PLXND1: variants seen among roughly 807,000 people sequenced by gnomAD.
PLXND1 encodes plexin D1.
PLXND1 carries 54 observed loss-of-function variants against 197.7 expected under a neutral mutation model. That is an observed-to-expected ratio of 0.27 (90% CI 0.22 to 0.34). The LOEUF (loss-of-function observed/expected upper bound fraction) is 0.34, where lower values mean the gene tolerates loss of function less well. PLXND1 is among the 10% of genes least tolerant of loss of function. The probability of loss-of-function intolerance (pLI) is 1.00; values close to 1 mark genes in which losing one functional copy is unlikely to be tolerated. For synonymous variants in PLXND1, 1,180 were observed against 1,161.2 expected, an observed-to-expected ratio of 1.02 and a Z score of -0.33; for missense variants, 2,127 against 2,699.2, an observed-to-expected ratio of 0.79 and a Z score of 4.70.
chr3:129,597,190 A>G (rs2085637989), intron 1 of PLXND1, among the ~76,000 whole-genome samples: 1 of 152,210 alleles, frequency 6.6e-6, no homozygotes, highest in Non-Finnish European at 1.5e-5. Flanking sequence ...GAATGGCTAG[A>G]TCCAAGCCTC....
chr3:129,588,095 C>T (rs1208712529), intron 2 of PLXND1, among the ~76,000 whole-genome samples: 1 of 152,236 alleles, frequency 6.6e-6, no homozygotes, highest in Non-Finnish European at 1.5e-5. Context: ...CCGAGCAGGG[C>T]AGGGTTGGCT....
In PLXND1 at chr3:129,572,501, T is replaced by C. The variant is rs949223295; in HGVS notation, c.3077+108A>G. On this transcript the variant is annotated intron_variant, in intron 15 of 35. Coordinates refer to ENST00000324093, the MANE Select transcript of PLXND1 (RefSeq NM_015103.3). ...GGCTTGGCTTAGGGGACACAGCCAA[T>C]GAAGACCCAAGAGAGGCTTGGCTCA... The C allele has an allele frequency of 5.1e-6, 5 of 982,328 alleles. No homozygotes were observed. The Admixed American group carries it at 1.7e-4, about 33-fold the overall frequency. 60.9% of individuals were successfully genotyped at this position (982,328 alleles called of 1,614,324 possible).
rs2084984488 is a variant in PLXND1 at position 129,557,028 on chromosome 3, A to AC, written c.5586+54dup. On this transcript the variant is annotated intron_variant, in intron 34 of 35. Transcript: ENST00000324093. This position sits in a 1 kb window ranked among gnomAD's most constrained non-coding sequence, Gnocchi z 4.8. ...TGGAGGCATTGAGGCCCAGCCCCCG[A>AC]CCCCCGATCCCTCAGCTCTTCAGGC... 1.3e-6 allele frequency: 2 copies of AC among 1,581,566 alleles called. No homozygotes were observed. Among genetic ancestry groups the AC allele is most frequent in the Non-Finnish European group, 1.7e-6 (2 of 1,160,328 alleles).
chr3:129,605,660 G>T lies in PLXND1; in HGVS notation c.980C>A (p.Ala327Asp), dbSNP rs1240034410. Reference protein sequence around the residue: ...LLARICLPHGAGGDAKKLTES... With the variant: ...LLARICLPHGDGGDAKKLTES... ...GGTGAGCTTCTTGGCGTCGCCGCCG[G>T]CGCCGTGGGGCAGGCAGATGCGCGC... Residue 327 changes from alanine (A) to aspartate (D), a missense_variant, in exon 1 of 36, where the codon GCC (alanine) becomes GAC (aspartate). This residue lies in a region of PLXND1 where 1,095 missense variants were observed against 1,259.8 expected (regional missense o/e 0.87). Coordinates refer to ENST00000324093, the MANE Select transcript of PLXND1 (RefSeq NM_015103.3). The T allele has an allele frequency of 1.3e-6, 2 of 1,536,940 alleles. No homozygotes were observed. The highest frequency in any genetic ancestry group is 1.7e-6 in the Non-Finnish European group (2 of 1,145,280).
Position 129,557,246 on chromosome 3 carries a change from G to A in PLXND1, c.5446-23C>T. On this transcript the variant is annotated intron_variant, in intron 33 of 35. Transcript: ENST00000324093. This position sits in a 1 kb window ranked among gnomAD's most constrained non-coding sequence, Gnocchi z 4.8. ...ATCCTGGGCAGAGAAGAGCGAGGGT[G>A]TTAGATGGCTGCTGGAGAAAGGACG... is the stretch of plus-strand genomic sequence containing the variant. 1 of 1,613,662 alleles carries A rather than the reference G, an allele frequency of 6.2e-7. No individual in the cohort carries two copies. Among genetic ancestry groups the A allele is most frequent in the Non-Finnish European group, 8.5e-7 (1 of 1,179,758 alleles).
intron 20 of PLXND1, 152 bp downstream of exon 20, chr3:129,569,691 A>C: frequency 1.6e-6 from 1 of 616,234 alleles, no homozygotes; most frequent in Non-Finnish European, 3.0e-6. Flanking sequence ...ACCTCCCCCA[A>C]CCTCTGGGTG....
In PLXND1 at chr3:129,577,137, CCT is replaced by C. The variant is rs142301727; in HGVS notation, c.2346+1190_2346+1191del. ...CATGCTGAGCTGGAGATGGGTCCCT[CCT>C]CTTAGTCCTCAGCCACCTCAGAACA... On this transcript the variant is annotated intron_variant, in intron 9 of 35. Coordinates refer to ENST00000324093, the MANE Select transcript of PLXND1 (RefSeq NM_015103.3). The surrounding 1 kb of genome is among the most constrained non-coding windows in gnomAD (Gnocchi z 5.0). Among the ~76,000 whole-genome samples, 1,649 of 152,282 alleles carry C rather than the reference CCT, an allele frequency of 0.011. 35 individuals are homozygous for C. Among genetic ancestry groups the C allele is most frequent in the African/African-American group, 0.037 (1,533 of 41,542 alleles).
Position 129,567,691 on chromosome 3 carries a change from C to G in PLXND1, c.3973+7G>C. On this transcript the variant is annotated splice_region_variant and intron_variant, in intron 21 of 35. Coordinates refer to ENST00000324093, the MANE Select transcript of PLXND1 (RefSeq NM_015103.3). Reference sequence around the variant, plus strand: ...AGGCCCAGCCCTGCAGGGTCCCCGCCCACTACCTTTGCGGATTTCCTCTCG... The same window carrying G: ...AGGCCCAGCCCTGCAGGGTCCCCGCGCACTACCTTTGCGGATTTCCTCTCG... 6.3e-7 allele frequency: 1 copy of G among 1,595,664 alleles called. No homozygotes were observed. The highest frequency in any genetic ancestry group is 8.6e-7 in the Non-Finnish European group (1 of 1,163,350).
chr3:129,581,080 G>A (rs1049548133), intron 8 of PLXND1, among the ~76,000 whole-genome samples: 1 of 152,128 alleles, frequency 6.6e-6, no homozygotes, highest in African/African-American at 2.4e-5. Context: ...CAATGGGAAC[G>A]TGACAGGAGA....
rs541463230 is a variant in PLXND1 at position 129,597,865 on chromosome 3, G to A, written c.1311+7464C>T. 5.3e-5 allele frequency among the ~76,000 whole-genome samples: 8 copies of A among 152,338 alleles called. No individual in the cohort carries two copies. The East Asian group carries it at 1.3e-3, about 26-fold the overall frequency. On this transcript the variant is annotated intron_variant, in intron 1 of 35. Transcript: ENST00000324093. ...AGACTTTCTGGGCTTGTCCCCACTC[G>A]GGAACCGGCTGGTTTCCATGGCAAT...
chr3:129,559,787 C>T lies in PLXND1; in HGVS notation c.5134-4G>A, dbSNP rs368467008. The T allele has an allele frequency of 2.8e-5, 44 of 1,589,330 alleles. No homozygotes were observed. Among genetic ancestry groups the T allele is most frequent in the South Asian group, 9.1e-5 (8 of 87,452 alleles). On this transcript the variant is annotated splice_region_variant and splice_polypyrimidine_tract_variant and intron_variant, in intron 31 of 35. Transcript: ENST00000324093. ...CCAGAAACTTCTGCAACGTGCCCTG[C>T]GGGGGAGTGGGGTGGCCGCCGTCAG...
At position 129,585,965 on chromosome 3, in the gene PLXND1, C is replaced by A; in HGVS notation, c.1838G>T (p.Arg613Leu). The A allele has an allele frequency of 6.2e-7, 1 of 1,614,030 alleles. No individual in the cohort carries two copies. Among genetic ancestry groups the A allele is most frequent in the Non-Finnish European group, 8.5e-7 (1 of 1,180,010 alleles). ...CCCAGGACTCACTGGGTACTCCTGG[C>A]GCACATCGATCTCGGAAGGCAGGAC... ...MTVLPSEIDV[R>L]QEYPGMILQI... Residue 613 changes from arginine to leucine, a missense_variant, in exon 5 of 36, where the codon CGC (arginine) becomes CTC (leucine). Arg to Leu is a moderately radical substitution (Grantham distance 102). Coordinates refer to ENST00000324093, the MANE Select transcript of PLXND1 (RefSeq NM_015103.3).
Position 129,586,051 on chromosome 3 carries a change from G to A in PLXND1, c.1752C>T (p.Ser584=), listed in dbSNP as rs2085454521. 1 of 1,613,892 alleles carries A rather than the reference G, an allele frequency of 6.2e-7. No homozygotes were observed. Among genetic ancestry groups the A allele is most frequent in the Non-Finnish European group, 8.5e-7 (1 of 1,180,016 alleles). ...RCTLQQDCTN[S]SQQHFWTSAS... ...CACTGGTCCAGAAATGCTGCTGGCT[G>A]GAATTGGTGCAGTCCTGCTGCAAGG... is the stretch of plus-strand genomic sequence containing the variant. The change falls in exon 5 of 36, where the codon TCC becomes TCT. Residue 584 remains serine, a synonymous_variant. Transcript: ENST00000324093.
chr3:129,571,640 C>T, intron 16 of PLXND1, 37 bp downstream of exon 16: 1 of 1,613,926 alleles, frequency 6.2e-7, no homozygotes, highest in Non-Finnish European at 8.5e-7. Context: ...CCTGCAGCCC[C>T]AGAGAGCCTG....
chr3:129,572,969 C>T (rs369507452), intron 13 of PLXND1, 28 bp from the exon 14 acceptor site: 13 of 1,559,534 alleles, frequency 8.3e-6, no homozygotes, highest in East Asian at 4.5e-5. Context: ...GGTCAGCCAG[C>T]GGTCCTTGGC....
In PLXND1 at chr3:129,565,906, C is replaced by T. The variant is rs763865454; in HGVS notation, c.4303G>A (p.Asp1435Asn). The T allele has an allele frequency of 1.2e-6, 2 of 1,614,176 alleles. No homozygotes were observed. Among genetic ancestry groups the T allele is most frequent in the Non-Finnish European group, 1.7e-6 (2 of 1,180,010 alleles). ...VFVHALEQQKDFAVRDRCSLA... is the reference protein window; with the variant it reads ...VFVHALEQQKNFAVRDRCSLA... ...CCTGACCTGTCGCGCACCGCAAAGT[C>T]CTTCTGCTGCTCCAGCGCGTGGACA... The change falls in exon 24 of 36, where the codon GAC (aspartate) becomes AAC (asparagine). Residue 1435 changes from aspartate to asparagine, a missense_variant. By Grantham distance (23) the Asp-to-Asn change is conservative. Coordinates refer to ENST00000324093, the MANE Select transcript of PLXND1 (RefSeq NM_015103.3).
intron 20 of PLXND1, among the ~76,000 whole-genome samples, chr3:129,568,509 T>C (rs1369185050): frequency 2.6e-5 from 4 of 152,324 alleles, no homozygotes; most frequent in Admixed American, 2.0e-4. Context: ...GTACATACCA[T>C]ATAATCCAGT....
At position 129,605,736 on chromosome 3, in the gene PLXND1, T is replaced by A; in HGVS notation, c.904A>T (p.Asn302Tyr). Residue 302 changes from asparagine to tyrosine, a missense_variant, in exon 1 of 36, where the codon AAC becomes TAC. Coordinates refer to ENST00000324093, the MANE Select transcript of PLXND1 (RefSeq NM_015103.3). ...GAQSYAYLAL[N>Y]SEARAGDKES... ...TTGTCGCCCGCGCGCGCCTCGCTGT[T>A]GAGCGCCAGGTACGCGTAGGACTGT... 1 of 1,546,808 alleles carries A rather than the reference T, an allele frequency of 6.5e-7. No homozygotes were observed.
At chr3:129,572,821 T>G (rs756189469) in intron 14 of PLXND1, 21 bp downstream of exon 14, 1 of 1,612,658 alleles carries the variant, frequency 6.2e-7, no homozygotes, top group Non-Finnish European at 8.5e-7. Context: ...GGCCGGACAG[T>G]GGGCTGCAGC....
Sources: allele counts gnomAD v4.1 joint callset (sites outside exome capture counted in the v4.1 genomes callset), GRCh38; gene constraint gnomAD v4.1.1; regional missense constraint gnomAD v4.1.1; non-coding constraint Gnocchi (gnomAD v3.1); transcripts MANE v1.5; gene names NCBI Gene and HGNC (gene_info 2026-07-23, HGNC 2026-07-21).